The following KIAA0586 variants were observed in gnomAD, a reference collection of about 807,000 sequenced individuals.
KIAA0586 encodes the protein protein TALPID3.
A neutral mutation model predicts 169.8 loss-of-function variants in KIAA0586; 144 were observed. The ratio of observed to expected loss-of-function variants is 0.85; its 90% CI spans 0.74 to 0.97. The LOEUF (loss-of-function observed/expected upper bound fraction) is 0.97. KIAA0586 is among the 50% of genes least tolerant of loss of function. The pLI, the probability that KIAA0586 is intolerant of heterozygous loss-of-function variation, is 0.00. For missense variants in KIAA0586, 1,854 were observed against 1,823.0 expected, an observed-to-expected ratio of 1.02 and a Z score of -0.31; for synonymous variants, 625 against 612.4, an observed-to-expected ratio of 1.02 and a Z score of -0.30.
In KIAA0586 at chr14:58,467,907, T is replaced by C; in HGVS notation, c.2427T>C (p.Pro809=). ...VEMKSEKKDP[P]QLTVQVLPSV... is the part of the protein sequence containing the mutation. ...TGAAGTCAGAAAAAAAGGATCCTCCTCAGCTTACTGTGCAGGTATGCCAGG... is the reference window on the plus strand; with the variant it reads ...TGAAGTCAGAAAAAAAGGATCCTCCCCAGCTTACTGTGCAGGTATGCCAGG... The change falls in exon 16 of 31, where the codon CCT becomes CCC. Residue 809 remains proline, a synonymous_variant. Transcript: ENST00000652326. 1 of 1,612,746 alleles carries C rather than the reference T, an allele frequency of 6.2e-7. No homozygotes were observed. The highest frequency in any genetic ancestry group is 1.3e-5 in the African/African-American group (1 of 74,946).
chr14:58,454,241 T>G (rs182615628), intron 9 of KIAA0586, among the ~76,000 whole-genome samples: 14 of 152,336 alleles, frequency 9.2e-5, no homozygotes, highest in South Asian at 2.1e-4. Context: ...ACATATTAAT[T>G]TAAAGCAATC....
At chr14:58,432,516 T>TCCAA in intron 4 of KIAA0586, 59 bp downstream of exon 4, 3 of 923,080 alleles carry the variant, frequency 3.2e-6, no homozygotes, top group Non-Finnish European at 5.0e-6. Flanking sequence ...GCTTCATTTG[T>TCCAA]ACTTTGGACA....
rs571431345 is a variant in KIAA0586 at position 58,534,418 on chromosome 14, A to C, written c.4430-5653A>C. ...TTAATAGACATAAACTGAAACAGCA[A>C]ACTTCTTTCCTACCAAAGAAAGGAA... On this transcript the variant is annotated intron_variant, in intron 29 of 30. Transcript: ENST00000652326. 3.3e-5 allele frequency among the ~76,000 whole-genome samples: 5 copies of C among 152,326 alleles called. No individual in the cohort carries two copies. In the South Asian group the frequency reaches 1.0e-3, roughly 32 times the overall value.
Position 58,456,758 on chromosome 14 carries a change from ATGT to A in KIAA0586, c.1312_1314del (p.Val438del). 6.2e-7 allele frequency: 1 copy of A among 1,605,762 alleles called. No individual in the cohort carries two copies. Among genetic ancestry groups the A allele is most frequent in the Non-Finnish European group, 8.5e-7 (1 of 1,175,728 alleles). ...AAAGTGACTATGCAGAAGTCTGATG[ATGT>A]TCTTCATGACCTTGGCCAAAAAGAG... On this transcript the variant is annotated inframe_deletion, in exon 10 of 31. Transcript: ENST00000652326.
chr14:58,487,027 GC>G lies in KIAA0586; in HGVS notation c.3167del (p.Pro1056LeufsTer21). 1 of 1,610,794 alleles carries G rather than the reference GC, an allele frequency of 6.2e-7. No homozygotes were observed. The highest frequency in any genetic ancestry group is 8.5e-7 in the Non-Finnish European group (1 of 1,178,356). Reference sequence around the variant, plus strand: ...TTTAGGCAAGAGTGTGCACCCCACTGCCTACCCCACAGCCTACGCCTCCTTG... The same window carrying G: ...TTTAGGCAAGAGTGTGCACCCCACTGCTACCCCACAGCCTACGCCTCCTTG... Reference protein sequence around the residue: ...YLPARVCTPLPTPQPTPPCSP... With the variant: ...YLPARVCTPLXTPQPTPPCSP... On this transcript the variant is annotated frameshift_variant, in exon 22 of 31. Transcript: ENST00000652326. LOFTEE classifies it high-confidence loss of function.
At chr14:58,459,096 C>T (rs138590528) in intron 12 of KIAA0586, among the ~76,000 whole-genome samples, 24 of 152,100 alleles carry the variant, frequency 1.6e-4, no homozygotes, top group African/African-American at 4.1e-4. Flanking sequence ...TTTGAGTGAG[C>T]GGAACTAGGC....
chr14:58,475,851 G>A (rs560836240), intron 19 of KIAA0586, among the ~76,000 whole-genome samples: 1 of 152,244 alleles, frequency 6.6e-6, no homozygotes, highest in Admixed American at 6.5e-5. Context: ...TGTAATCCCA[G>A]CACTTTGAGA....
At chr14:58,456,151 T>G (rs2039827777) in intron 9 of KIAA0586, among the ~76,000 whole-genome samples, 1 of 152,098 alleles carries the variant, frequency 6.6e-6, no homozygotes, top group Non-Finnish European at 1.5e-5. Context: ...TCTACTGTCT[T>G]TAGTGGTTGT....
chr14:58,507,253 CATGTATGATTTATATAT>C (rs2044039286), intron 27 of KIAA0586, among the ~76,000 whole-genome samples: 1 of 144,526 alleles, frequency 6.9e-6, no homozygotes, highest in African/African-American at 2.5e-5. Context: ...ATATATAAAT[CATGTATGATTTATATAT>C]ATGTATGATT....
chr14:58,555,584 T>C (rs1238417133), downstream of KIAA0586, among the ~76,000 whole-genome samples: 1 of 152,224 alleles, frequency 6.6e-6, no homozygotes, highest in African/African-American at 2.4e-5. Flanking sequence ...TAGTTATAGA[T>C]GAGACATTAT....
chr14:58,440,255 G>T, intron 4 of KIAA0586: 1 of 422,458 alleles, frequency 2.4e-6, no homozygotes, highest in African/African-American at 2.1e-5. Context: ...TTTCTGTCTT[G>T]CTTTGCTCTG....
At chr14:58,465,381 T>G (rs772956350) in intron 14 of KIAA0586, among the ~76,000 whole-genome samples, 9 of 152,198 alleles carry the variant, frequency 5.9e-5, no homozygotes, top group Non-Finnish European at 1.0e-4. Flanking sequence ...GGAAAAAAAT[T>G]TAAAGAATTC....
chr14:58,558,150 A>G, the KIAA0586 span, among the ~76,000 whole-genome samples: 3 of 151,754 alleles, frequency 2.0e-5, no homozygotes, highest in African/African-American at 7.3e-5. Flanking sequence ...GCCTCAAGTG[A>G]CCCGCCCGCC....
chr14:58,534,400 A>T (rs2046161057), intron 29 of KIAA0586, among the ~76,000 whole-genome samples: 3 of 152,344 alleles, frequency 2.0e-5, no homozygotes, highest in South Asian at 2.1e-4. Flanking sequence ...TGCTTAATAG[A>T]CATAAACTGA....
intron 29 of KIAA0586, among the ~76,000 whole-genome samples, chr14:58,523,480 C>CAAATTGATATA (rs1444912553): frequency 2.6e-5 from 4 of 151,900 alleles, no homozygotes; most frequent in Non-Finnish European, 5.9e-5. Context: ...AAATAGATAT[C>CAAATTGATATA]AAATTGATAT....
At chr14:58,456,606 C>G (rs1249432331) in intron 9 of KIAA0586, 96 bp from the exon 10 acceptor site, 1 of 677,730 alleles carries the variant, frequency 1.5e-6, no homozygotes, top group Non-Finnish European at 2.6e-6. Context: ...AAGACTGTAT[C>G]AAAGATTTGT....
In KIAA0586 at chr14:58,548,145, C is replaced by A. The variant is rs867627364; in HGVS notation, c.*213C>A. ...TTATAAGTCTGATTGTGAGTTGTTT[C>A]TTAGAATCCTGAGATAGCATAGAGT... On this transcript the variant is annotated 3_prime_UTR_variant, in exon 31 of 31. Coordinates refer to ENST00000652326, the MANE Select transcript of KIAA0586 (RefSeq NM_001329943.3). The A allele has an allele frequency of 1.9e-6, 1 of 519,988 alleles. No homozygotes were observed. The highest frequency in any genetic ancestry group is 3.2e-6 in the Non-Finnish European group (1 of 308,518). The allele number at this position is 519,988 out of a possible 1,614,324, so 32.2% of individuals were successfully genotyped here.
At chr14:58,433,937 T>C (rs576801403) in intron 4 of KIAA0586, among the ~76,000 whole-genome samples, 2 of 152,006 alleles carry the variant, frequency 1.3e-5, no homozygotes, top group African/African-American at 4.8e-5. Context: ...AGTTTGAGGA[T>C]GCCATGAGCC....
intron 29 of KIAA0586, among the ~76,000 whole-genome samples, chr14:58,534,554 C>T (rs8005231): frequency 0.81 from 123,807 of 152,146 alleles, 51,114 homozygotes; most frequent in African/African-American, 0.95. Context: ...TCGTAGAGCA[C>T]GAAGTATCCT....
Sources: gnomAD v4.1 joint callset for allele counts (sites outside exome capture counted in the v4.1 genomes callset) on GRCh38, gnomAD v4.1.1 for gene constraint, MANE v1.5 for transcripts, NCBI Gene and HGNC (gene_info 2026-07-23, HGNC 2026-07-21) for gene names.